Variants in GLB1 observed in about 807,000 individuals in gnomAD.
GLB1 encodes galactosidase beta 1.
In GLB1, 56 loss-of-function variants were observed where a neutral mutation model predicts 74.0. The observed-to-expected ratio is 0.76, with a 90% CI of 0.61 to 0.94. The LOEUF is 0.94. GLB1 is among the 40% of genes least tolerant of loss of function. The probability of loss-of-function intolerance (pLI) is 0.00; values close to 1 mark genes in which losing one functional copy is unlikely to be tolerated. For missense variants in GLB1, 787 were observed against 845.5 expected (o/e 0.93, Z 0.86); for synonymous variants, 323 against 323.6 (o/e 1.00, Z 0.02).
At chr3:33,005,726 G>A (rs1172970966) in intron 15 of GLB1, among the ~76,000 whole-genome samples, 1 of 152,112 alleles carries the variant, frequency 6.6e-6, no homozygotes, top group Non-Finnish European at 1.5e-5. Flanking sequence ...AAACCCCTGA[G>A]CTCAAGTGAT....
rs1454201894 is a variant in GLB1 at position 33,096,512 on chromosome 3, C to A, written c.75+499G>T. On this transcript the variant is annotated intron_variant, in intron 1 of 15. Transcript: ENST00000307363. ...AGTGGTGAGAAAGGAACAAGATGCA[C>A]GAAGAGGGAGAGCACCCAGAGGGGA... 7.1e-6 allele frequency: 7 copies of A among 985,136 alleles called. 1 individual carries two copies. In the Middle Eastern group the frequency reaches 1.6e-3, roughly 221 times the overall value. 61.0% of individuals were successfully genotyped at this position (985,136 alleles called of 1,614,324 possible).
the GLB1 span, among the ~76,000 whole-genome samples, chr3:32,970,733 C>T: frequency 1.3e-5 from 2 of 152,114 alleles, no homozygotes; most frequent in African/African-American, 4.8e-5. Context: ...GCCAGCAAGA[C>T]CCAAATCGCC....
chr3:33,043,576 T>G (rs913239161), intron 10 of GLB1, among the ~76,000 whole-genome samples: 1 of 152,070 alleles, frequency 6.6e-6, no homozygotes, highest in African/African-American at 2.4e-5. Flanking sequence ...GGTAAACGAA[T>G]AGAAATTATA....
intron 2 of GLB1, among the ~76,000 whole-genome samples, chr3:33,070,255 C>T (rs918974003): frequency 2.0e-5 from 3 of 152,026 alleles, no homozygotes; most frequent in African/African-American, 7.3e-5. Flanking sequence ...AGGTTTTTAG[C>T]TTTTTGTAAT....
At chr3:32,970,238 G>C in the GLB1 span, among the ~76,000 whole-genome samples, 2 of 152,138 alleles carry the variant, frequency 1.3e-5, no homozygotes, top group Non-Finnish European at 2.9e-5. Flanking sequence ...TGCATGAACC[G>C]AACACTCAAA....
intron 5 of GLB1, among the ~76,000 whole-genome samples, chr3:33,062,635 C>T (rs746525803): frequency 9.2e-5 from 14 of 152,068 alleles, no homozygotes; most frequent in Non-Finnish European, 1.8e-4. Context: ...TAAAAATACA[C>T]AAAATTAGCT....
the GLB1 span, among the ~76,000 whole-genome samples, chr3:32,974,599 G>C: frequency 3.5e-4 from 53 of 152,152 alleles, no homozygotes; most frequent in Non-Finnish European, 7.1e-4. Context: ...ATCCAGGAGA[G>C]CTGAGGATGT....
downstream of GLB1, among the ~76,000 whole-genome samples, chr3:32,992,097 A>G (rs1696237689): frequency 6.6e-6 from 1 of 152,244 alleles, no homozygotes; most frequent in African/African-American, 2.4e-5. Flanking sequence ...AGAAGTCCAC[A>G]CTAGGGCCTT....
intron 15 of GLB1, among the ~76,000 whole-genome samples, chr3:32,998,313 G>T (rs1278655092): frequency 6.6e-6 from 1 of 152,180 alleles, no homozygotes; most frequent in Admixed American, 6.5e-5. Context: ...TTCGAGACCA[G>T]CCTGGCCAAC....
intron 10 of GLB1, chr3:33,034,327 C>T: frequency 1.3e-6 from 1 of 750,170 alleles, no homozygotes; most frequent in South Asian, 1.4e-5. Context: ...GCTGCAATGC[C>T]ATCAGCTAGG....
At chr3:33,067,025 A>G (rs1421359382) in intron 4 of GLB1, among the ~76,000 whole-genome samples, 1 of 140,404 alleles carries the variant, frequency 7.1e-6, no homozygotes, top group Non-Finnish European at 1.5e-5. Context: ...TTTTTGAGAC[A>G]GAGTTTCGCT....
chr3:33,071,005 G>A (rs1699868233), intron 2 of GLB1, among the ~76,000 whole-genome samples: 1 of 152,118 alleles, frequency 6.6e-6, no homozygotes, highest in Non-Finnish European at 1.5e-5. Context: ...TAGATCCTCT[G>A]ACAAAAGATT....
chr3:33,069,778 T>C (rs1193097385), intron 2 of GLB1, among the ~76,000 whole-genome samples: 2 of 152,212 alleles, frequency 1.3e-5, no homozygotes, highest in Non-Finnish European at 2.9e-5. Flanking sequence ...AGCTTTACCA[T>C]CTAGCTAGTT....
Position 33,079,595 on chromosome 3 carries a change from A to C in GLB1, c.76-6882T>G, listed in dbSNP as rs2125564871. Among the ~76,000 whole-genome samples, 3 of 152,330 alleles carry C rather than the reference A, an allele frequency of 2.0e-5. No homozygotes were observed. In the Middle Eastern group the frequency reaches 0.01, roughly 518 times the overall value. ...ACACAAATAAAAATGCAGACTGATA[A>C]AATGAATTATGGTTTATATTGTATG... On this transcript the variant is annotated intron_variant, in intron 1 of 15. Coordinates refer to ENST00000307363, the MANE Select transcript of GLB1 (RefSeq NM_000404.4).
chr3:33,026,762 G>C (rs1316331771), intron 10 of GLB1, among the ~76,000 whole-genome samples: 1 of 152,048 alleles, frequency 6.6e-6, no homozygotes, highest in African/African-American at 2.4e-5. Flanking sequence ...AGAGGATGGA[G>C]GGAGGATGGG....
chr3:33,039,572 A>C (rs1698420035), intron 10 of GLB1, among the ~76,000 whole-genome samples: 1 of 152,222 alleles, frequency 6.6e-6, no homozygotes, highest in South Asian at 2.1e-4. Context: ...AATCTAAACT[A>C]AAATATGTTC....
chr3:33,092,162 CCT>C, intron 1 of GLB1: 1 of 985,698 alleles, frequency 1.0e-6, no homozygotes, highest in Non-Finnish European at 1.2e-6. Flanking sequence ...GTTCTTCTCC[CCT>C]GACCTTGCCC....
At chr3:33,021,482 A>G in intron 12 of GLB1, 84 bp downstream of exon 12, 1 of 1,470,332 alleles carries the variant, frequency 6.8e-7, no homozygotes, top group Non-Finnish European at 9.3e-7. Flanking sequence ...TGGCCCCTGA[A>G]TTCAGAATGG....
At chr3:33,013,520 A>G (rs1222169464) in intron 15 of GLB1, among the ~76,000 whole-genome samples, 6 of 152,144 alleles carry the variant, frequency 3.9e-5, no homozygotes, top group African/African-American at 1.2e-4. Flanking sequence ...GACATGAGGG[A>G]GAGGAGAAGG....
Sources: allele counts gnomAD v4.1 joint callset (sites outside exome capture counted in the v4.1 genomes callset), GRCh38; gene constraint gnomAD v4.1.1; transcripts MANE v1.5; gene names NCBI Gene and HGNC (gene_info 2026-07-23, HGNC 2026-07-21).